RPS6KC1: variants seen among roughly 807,000 people sequenced by gnomAD.
RPS6KC1 encodes the protein ribosomal protein S6 kinase C1, also known as inactive ribosomal protein S6 kinase delta-1.
In RPS6KC1, 54 loss-of-function variants were observed where a neutral mutation model predicts 103.8. That is an observed-to-expected ratio of 0.52 (90% CI 0.42 to 0.65). The LOEUF is 0.65. RPS6KC1 is among the 30% of genes least tolerant of loss of function. The pLI is 0.00. For missense variants in RPS6KC1, 1,151 were observed against 1,253.8 expected (o/e 0.92, Z 1.24); for synonymous variants, 439 against 438.7 (o/e 1.00, Z -0.01).
intron 8 of RPS6KC1, among the ~76,000 whole-genome samples, chr1:213,199,331 G>C (rs1297502322): frequency 6.6e-6 from 1 of 152,156 alleles, no homozygotes; most frequent in East Asian, 1.9e-4. Context: ...TATAAGGTTG[G>C]TTCAACATAT....
At chr1:213,572,749 A>G in the RPS6KC1 span, among the ~76,000 whole-genome samples, 1 of 152,168 alleles carries the variant, frequency 6.6e-6, no homozygotes, top group Non-Finnish European at 1.5e-5. Flanking sequence ...GATGTTAGGG[A>G]GATGAAGGCT....
chr1:213,065,326 G>A (rs1286141068), intron 1 of RPS6KC1, among the ~76,000 whole-genome samples: 1 of 152,056 alleles, frequency 6.6e-6, no homozygotes, highest in Admixed American at 6.5e-5. Flanking sequence ...CAACTTTTGT[G>A]GAATTTATTG....
At chr1:213,815,053 G>T in the RPS6KC1 span, among the ~76,000 whole-genome samples, 1 of 152,136 alleles carries the variant, frequency 6.6e-6, no homozygotes, top group South Asian at 2.1e-4. Flanking sequence ...GGGAGCCATT[G>T]GGGGATGATT....
chr1:213,564,105 A>G, the RPS6KC1 span, among the ~76,000 whole-genome samples: 524 of 152,048 alleles, frequency 3.4e-3, 6 homozygotes, highest in African/African-American at 0.012. Context: ...AAAAGTCTTA[A>G]CTTACCTATA....
chr1:213,834,209 G>T, the RPS6KC1 span, among the ~76,000 whole-genome samples: 20 of 152,248 alleles, frequency 1.3e-4, no homozygotes, highest in Admixed American at 1.0e-3. Context: ...ATTTTTTGTA[G>T]AGATGGGGTT....
chr1:213,350,628 A>G, the RPS6KC1 span, among the ~76,000 whole-genome samples: 3 of 152,212 alleles, frequency 2.0e-5, no homozygotes, highest in Admixed American at 6.5e-5. Context: ...AATTAATTAA[A>G]GAGTTGGAAT....
At chr1:213,491,494 G>C in the RPS6KC1 span, among the ~76,000 whole-genome samples, 1 of 152,156 alleles carries the variant, frequency 6.6e-6, no homozygotes, top group African/African-American at 2.4e-5. Flanking sequence ...ATTGAAGTGA[G>C]CTGAGATTGC....
At chr1:213,519,368 T>C in the RPS6KC1 span, among the ~76,000 whole-genome samples, 1 of 152,188 alleles carries the variant, frequency 6.6e-6, no homozygotes, top group South Asian at 2.1e-4. Flanking sequence ...AAAATGGTCA[T>C]TTGTTTGCAG....
At chr1:213,250,465 T>C (rs1573600264) in intron 12 of RPS6KC1, among the ~76,000 whole-genome samples, 3 of 152,298 alleles carry the variant, frequency 2.0e-5, no homozygotes, top group Admixed American at 2.0e-4. Context: ...GTCAATGTTT[T>C]CTGAAATAGT....
At chr1:213,372,295 C>A in the RPS6KC1 span, among the ~76,000 whole-genome samples, 1 of 152,198 alleles carries the variant, frequency 6.6e-6, no homozygotes, top group Admixed American at 6.5e-5. Flanking sequence ...CAAGCATAAG[C>A]TCAGCTTCTG....
the RPS6KC1 span, among the ~76,000 whole-genome samples, chr1:213,458,256 T>A: frequency 6.6e-6 from 1 of 152,328 alleles, no homozygotes; most frequent in African/African-American, 2.4e-5. Flanking sequence ...TGGTATTTGG[T>A]TTTCTGTTCC....
At chr1:213,290,726 G>A in the RPS6KC1 span, among the ~76,000 whole-genome samples, 1 of 152,138 alleles carries the variant, frequency 6.6e-6, no homozygotes, top group Admixed American at 6.5e-5. Flanking sequence ...TTGCTCCAAA[G>A]TAAGAGCCTG....
chr1:213,521,403 G>A, the RPS6KC1 span, among the ~76,000 whole-genome samples: 1 of 152,210 alleles, frequency 6.6e-6, no homozygotes, highest in African/African-American at 2.4e-5. Context: ...CTCTCTACTT[G>A]TAGAGGGTCT....
At chr1:213,766,641 G>C in the RPS6KC1 span, among the ~76,000 whole-genome samples, 1 of 152,118 alleles carries the variant, frequency 6.6e-6, no homozygotes, top group Non-Finnish European at 1.5e-5. Context: ...TGTCTCTTTT[G>C]CAGCAGTTAA....
At chr1:213,523,814 C>T in the RPS6KC1 span, among the ~76,000 whole-genome samples, 197 of 152,268 alleles carry the variant, frequency 1.3e-3, 1 homozygote, top group African/African-American at 4.6e-3. Flanking sequence ...CCGATCTAAT[C>T]AGGGGATTGG....
At chr1:213,739,146 C>T in the RPS6KC1 span, among the ~76,000 whole-genome samples, 1 of 152,122 alleles carries the variant, frequency 6.6e-6, no homozygotes, top group Non-Finnish European at 1.5e-5. Context: ...TCTTCCTCCT[C>T]CTTAGCCTAC....
the RPS6KC1 span, among the ~76,000 whole-genome samples, chr1:213,654,994 G>A: frequency 2.6e-4 from 40 of 152,306 alleles, no homozygotes; most frequent in African/African-American, 9.6e-4. Flanking sequence ...CCCAGTCTTG[G>A]AGAGTAGTGT....
chr1:213,773,090 G>T, the RPS6KC1 span, among the ~76,000 whole-genome samples: 1 of 152,164 alleles, frequency 6.6e-6, no homozygotes, highest in Non-Finnish European at 1.5e-5. Context: ...CCTCTCTCCA[G>T]GATTGTTCTC....
chr1:213,151,241 G>A (rs1293526379), intron 6 of RPS6KC1, among the ~76,000 whole-genome samples: 3 of 115,540 alleles, frequency 2.6e-5, no homozygotes, highest in Admixed American at 8.0e-5. Context: ...CCTCCCTCCC[G>A]GACGGGGCGG....
Sources: gnomAD v4.1 joint callset for allele counts (sites outside exome capture counted in the v4.1 genomes callset) on GRCh38, gnomAD v4.1.1 for gene constraint, MANE v1.5 for transcripts, NCBI Gene and HGNC (gene_info 2026-07-23, HGNC 2026-07-21) for gene names.